PCNT: variants seen among roughly 807,000 people sequenced by gnomAD.
The protein encoded by PCNT is kendrin.
Under a neutral mutation model 380.4 loss-of-function variants are expected in PCNT, and 319 were observed. The ratio of observed to expected loss-of-function variants is 0.84; its 90% CI spans 0.77 to 0.92. The LOEUF (loss-of-function observed/expected upper bound fraction) is 0.92, where lower values mean the gene tolerates loss of function less well. PCNT is among the 40% of genes least tolerant of loss of function. The probability of loss-of-function intolerance (pLI) is 0.00; values close to 1 mark genes in which losing one functional copy is unlikely to be tolerated. For missense variants in PCNT, 4,400 were observed against 4,255.3 expected, an observed-to-expected ratio of 1.03 and a Z score of -0.95; for synonymous variants, 1,845 against 1,735.2, an observed-to-expected ratio of 1.06 and a Z score of -1.57.
In PCNT at chr21:46,411,498, C is replaced by A; in HGVS notation, c.5425C>A (p.Gln1809Lys). 15 of 1,609,326 alleles carry A rather than the reference C, an allele frequency of 9.3e-6. No individual in the cohort carries two copies. The highest frequency in any genetic ancestry group is 1.3e-5 in the Non-Finnish European group (15 of 1,178,464). ...KEALSRLLAD[Q>K]ERRHSQALEA... Reference sequence around the variant, plus strand: ...GGCCCTGAGCCGGCTGCTGGCTGACCAGGAGCGCAGGCACAGCCAGGCCCT... The same window carrying A: ...GGCCCTGAGCCGGCTGCTGGCTGACAAGGAGCGCAGGCACAGCCAGGCCCT... The change falls in exon 28 of 47, where the codon CAG becomes AAG. Residue 1809 changes from glutamine to lysine, a missense_variant. Physicochemically the swap from Gln to Lys is moderately conservative, Grantham distance 53. Transcript: ENST00000359568.
At chr21:46,398,191 A>C in intron 23 of PCNT, 44 bp from the exon 24 acceptor site, 1 of 1,607,224 alleles carries the variant, frequency 6.2e-7, no homozygotes, top group Non-Finnish European at 8.5e-7. Flanking sequence ...TTTAAGCTTT[A>C]ACTTTCTTTA....
At chr21:46,374,410 T>A (rs1237279173) in intron 15 of PCNT, among the ~76,000 whole-genome samples, 1 of 152,212 alleles carries the variant, frequency 6.6e-6, no homozygotes, top group Non-Finnish European at 1.5e-5. Flanking sequence ...CAGGATCTAT[T>A]TGTTCCTGTG....
rs1478908165 is a variant in PCNT, at chr21:46,359,480, G to GTTTTTTTTTTTTTTTTTTTTTTTTTTTTT, written c.2154+2299_2154+2300insTTTTTTTTTTTTTTTTTTTTTTTTTTTTT. 5.3e-4 allele frequency among the ~76,000 whole-genome samples: 35 copies of GTTTTTTTTTTTTTTTTTTTTTTTTTTTTT among 65,746 alleles called. 12 individuals carry two copies. The highest frequency in any genetic ancestry group is 2.3e-3 in the Admixed American group (11 of 4,876). 43.1% of individuals were successfully genotyped at this position (65,746 alleles called of 152,430 possible). ...TAGTATTCTGTCCAAAAATACACCTGTTTTTTTTTTGTTTTTTTTTTTTTT... is the reference window on the plus strand; with the variant it reads ...TAGTATTCTGTCCAAAAATACACCTGTTTTTTTTTTTTTTTTTTTTTTTTTTTTTTTTTTTTTTTGTTTTTTTTTTTTTT... On this transcript the variant is annotated intron_variant, in intron 13 of 46. Coordinates refer to ENST00000359568, the MANE Select transcript of PCNT (RefSeq NM_006031.6).
At chr21:46,372,117 G>A (rs530720735) in intron 15 of PCNT, among the ~76,000 whole-genome samples, 5 of 145,154 alleles carry the variant, frequency 3.4e-5, no homozygotes, top group Admixed American at 6.8e-5. Context: ...CACAGCACAT[G>A]CACACATGCA....
chr21:46,419,187 TG>T (rs1372836462), intron 31 of PCNT, among the ~76,000 whole-genome samples: 1 of 152,204 alleles, frequency 6.6e-6, no homozygotes, highest in African/African-American at 2.4e-5. Context: ...TTTGAGAACA[TG>T]GTCACAATTT....
At chr21:46,442,704 C>T (rs2053641502) in intron 44 of PCNT, 131 bp downstream of exon 44, 2 of 725,774 alleles carry the variant, frequency 2.8e-6, no homozygotes, top group Middle Eastern at 2.3e-4. Flanking sequence ...TCCGTGAATT[C>T]CGTCAGAGCA....
Position 46,401,545 on chromosome 21 carries a change from T to G in PCNT, c.4792-6T>G. The G allele has an allele frequency of 1.2e-6, 2 of 1,610,956 alleles. No individual in the cohort carries two copies. The highest frequency in any genetic ancestry group is 1.7e-6 in the Non-Finnish European group (2 of 1,177,230). On this transcript the variant is annotated splice_polypyrimidine_tract_variant and splice_region_variant and intron_variant, in intron 25 of 46. Coordinates refer to ENST00000359568, the MANE Select transcript of PCNT (RefSeq NM_006031.6). Reference sequence around the variant, plus strand: ...GCCTAAAATAGAGTTCTTTTTTTTTTAATAGGATAAAGAGGTGTTAAAGAA... The same window carrying G: ...GCCTAAAATAGAGTTCTTTTTTTTTGAATAGGATAAAGAGGTGTTAAAGAA...
intron 35 of PCNT, among the ~76,000 whole-genome samples, chr21:46,429,689 T>C (rs2147958221): frequency 6.6e-6 from 1 of 152,282 alleles, no homozygotes; most frequent in East Asian, 1.9e-4. Flanking sequence ...TAAAGCCACC[T>C]GGGCCTGGAG....
chr21:46,408,640 C>G (rs2086689099), intron 27 of PCNT, among the ~76,000 whole-genome samples: 1 of 150,920 alleles, frequency 6.6e-6, no homozygotes, highest in African/African-American at 2.4e-5. Flanking sequence ...TCCTTAATGA[C>G]TAGTGATCTT....
Position 46,339,599 on chromosome 21 carries a change from TA to T in PCNT, c.639+4833del, listed in dbSNP as rs529611766. 2.6e-5 allele frequency among the ~76,000 whole-genome samples: 4 copies of T among 152,308 alleles called. No individual in the cohort carries two copies. The East Asian group carries it at 7.7e-4, about 29-fold the overall frequency. On this transcript the variant is annotated intron_variant, in intron 3 of 46. Coordinates refer to ENST00000359568, the MANE Select transcript of PCNT (RefSeq NM_006031.6). ...GGGAGAAAGATGGAGGCCAGAGGGC[TA>T]ACCAGTCTAGTCTAGTCCTTCCACG... is the stretch of plus-strand genomic sequence containing the variant.
intron 2 of PCNT, among the ~76,000 whole-genome samples, chr21:46,327,600 T>A (rs1001467450): frequency 6.6e-6 from 1 of 152,188 alleles, no homozygotes. Context: ...TTGAGAAGTT[T>A]TGGATTAACT....
Position 46,385,852 on chromosome 21 carries a change from CT to C in PCNT, c.3335del (p.Leu1112Ter), listed in dbSNP as rs1200678384. The stretch of plus-strand genomic sequence containing the variant: ...GATAGCTGAAAGACCAGGTTTTATC[CT>C]TAAGTCACGAGATAGAAGAGTGCCG... ...VQQLKDQVLS[L>X]SHEIEECRSE... On this transcript the variant is annotated frameshift_variant, in exon 17 of 47. Transcript: ENST00000359568. LOFTEE classifies it high-confidence loss of function. 6.2e-7 allele frequency: 1 copy of C among 1,614,108 alleles called. No individual in the cohort carries two copies. The highest frequency in any genetic ancestry group is 1.3e-5 in the African/African-American group (1 of 74,946).
Position 46,346,726 on chromosome 21 carries a change from C to G in PCNT, c.721-17C>G. ...TCTGACCATGGGCCCTTATCAGAGG[C>G]CTTTTCTCCGCCGCAGGCCGTGCAT... On this transcript the variant is annotated splice_polypyrimidine_tract_variant and intron_variant, in intron 4 of 46. Transcript: ENST00000359568. 1 of 1,590,854 alleles carries G rather than the reference C, an allele frequency of 6.3e-7. No homozygotes were observed. Among genetic ancestry groups the G allele is most frequent in the African/African-American group, 1.3e-5 (1 of 74,870 alleles).
intron 32 of PCNT, among the ~76,000 whole-genome samples, chr21:46,423,301 C>A (rs186967663): frequency 2.6e-3 from 393 of 151,728 alleles, no homozygotes; most frequent in Non-Finnish European, 4.2e-3. Context: ...AACGATCCTC[C>A]CACCTCAGCC....
chr21:46,440,026 A>G, intron 41 of PCNT, 57 bp from the exon 42 acceptor site: 1 of 1,599,704 alleles, frequency 6.3e-7, no homozygotes, highest in Non-Finnish European at 8.5e-7. Flanking sequence ...CTGCGTCTCT[A>G]AGATGCTCTT....
intron 44 of PCNT, 166 bp downstream of exon 44, chr21:46,442,739 G>C: frequency 1.5e-6 from 1 of 667,208 alleles, no homozygotes. Context: ...AGGCGCGCCC[G>C]GCGTAGGGAG....
rs149379128 is a variant in PCNT at position 46,360,743 on chromosome 21, C to T, written c.2155-2737C>T. Among the ~76,000 whole-genome samples, 1,510 of 152,026 alleles carry T rather than the reference C, an allele frequency of 9.9e-3. 12 individuals are homozygous for T. The highest frequency in any genetic ancestry group is 0.017 in the Middle Eastern group (5 of 294). The stretch of plus-strand genomic sequence containing the variant: ...CCATGTTAGCCAGGATGGTCTCAAT[C>T]TCCTGACTTCCCGATCCGCCCACCT... On this transcript the variant is annotated intron_variant, in intron 13 of 46. Transcript: ENST00000359568.
At chr21:46,426,812 C>G (rs893725887) in intron 33 of PCNT, among the ~76,000 whole-genome samples, 1 of 152,236 alleles carries the variant, frequency 6.6e-6, no homozygotes, top group East Asian at 1.9e-4. Flanking sequence ...ATCACGCTCC[C>G]TCCCATCTCC....
intron 7 of PCNT, 35 bp from the exon 8 acceptor site, chr21:46,349,649 C>T (rs1207065022): frequency 1.2e-6 from 2 of 1,608,954 alleles, no homozygotes; most frequent in African/African-American, 1.3e-5. Context: ...AGAGTGATGT[C>T]TTGTAAACCA....
Sources: gnomAD v4.1 joint callset for allele counts (sites outside exome capture counted in the v4.1 genomes callset) on GRCh38, gnomAD v4.1.1 for gene constraint, MANE v1.5 for transcripts, NCBI Gene and HGNC (gene_info 2026-07-23, HGNC 2026-07-21) for gene names.